Variants in HHLA1 observed in about 807,000 individuals in gnomAD.
The protein encoded by HHLA1 is HERV-H LTR-associating protein 1.
In HHLA1, 72 loss-of-function variants were observed where a neutral mutation model predicts 69.9. The ratio of observed to expected loss-of-function variants is 1.03; its 90% CI spans 0.85 to 1.25. HHLA1 has a LOEUF of 1.25. HHLA1 is among the 50% of genes most tolerant of loss of function. The pLI is 0.00. For synonymous variants in HHLA1, 252 were observed against 233.2 expected, an observed-to-expected ratio of 1.08 and a Z score of -0.73; for missense variants, 685 against 642.2, an observed-to-expected ratio of 1.07 and a Z score of -0.72.
intron 5 of HHLA1, among the ~76,000 whole-genome samples, chr8:132,096,772 G>T (rs893560647): frequency 3.3e-5 from 5 of 152,012 alleles, no homozygotes; most frequent in Admixed American, 3.3e-4. Flanking sequence ...GGGAAAGGTG[G>T]GTATGCCCAG....
chr8:132,104,074 G>A (rs1418443107), intron 3 of HHLA1, 34 bp downstream of exon 3: 1 of 1,495,220 alleles, frequency 6.7e-7, no homozygotes, highest in Admixed American at 2.0e-5. Flanking sequence ...CCCAAGAACA[G>A]TGAGCTGAAA....
At chr8:132,083,017 G>C (rs1332089206) in intron 10 of HHLA1, among the ~76,000 whole-genome samples, 3 of 151,338 alleles carry the variant, frequency 2.0e-5, no homozygotes, top group East Asian at 3.9e-4. Flanking sequence ...AGGTTTTAAT[G>C]AGATGGTAAG....
intron 14 of HHLA1, among the ~76,000 whole-genome samples, chr8:132,072,785 G>A (rs1276605396): frequency 6.6e-6 from 1 of 152,120 alleles, no homozygotes; most frequent in African/African-American, 2.4e-5. Flanking sequence ...AACTAGCAAG[G>A]GGTAGATGTT....
chr8:132,095,584 A>T lies in HHLA1; in HGVS notation c.383T>A (p.Val128Glu), dbSNP rs759144068. 129 of 1,548,534 alleles carry T rather than the reference A, an allele frequency of 8.3e-5. 1 individual carries two copies. Among genetic ancestry groups the T allele is most frequent in the Middle Eastern group, 3.3e-4 (2 of 6,014 alleles). The part of the protein sequence containing the change: ...AVYNISNLKT[V>E]DPAKFPTRYC... The stretch of plus-strand genomic sequence containing the variant: ...CCTTGTGGGGAATTTGGCGGGGTCT[A>T]CTGTCTTCAGGTTAGAAACTGTGAA... The change falls in exon 7 of 17, where the codon GTA (valine) becomes GAA (glutamate). Residue 128 changes from valine to glutamate, a missense_variant. Val to Glu is a moderately radical substitution (Grantham distance 121). Transcript: ENST00000414222.
Position 132,071,513 on chromosome 8 carries a change from A to C in HHLA1, c.1316-20T>G. On this transcript the variant is annotated intron_variant, in intron 14 of 16. Coordinates refer to ENST00000414222, the MANE Select transcript of HHLA1 (RefSeq NM_001145095.3). The stretch of plus-strand genomic sequence containing the variant: ...GACACCCTAGAAGATGCAATCCCAG[A>C]CCAATTAAATCAGTAAGAGTTTAGT... 6.5e-7 allele frequency: 1 copy of C among 1,550,246 alleles called. No individual in the cohort carries two copies. The highest frequency in any genetic ancestry group is 8.7e-7 in the Non-Finnish European group (1 of 1,146,168).
intron 7 of HHLA1, among the ~76,000 whole-genome samples, chr8:132,095,137 G>T (rs1824002205): frequency 6.6e-6 from 1 of 152,230 alleles, no homozygotes; most frequent in Non-Finnish European, 1.5e-5. Context: ...GTATTTTTGT[G>T]TAACTTTCTT....
intron 7 of HHLA1, among the ~76,000 whole-genome samples, chr8:132,091,119 A>G (rs1475684687): frequency 6.6e-6 from 1 of 152,136 alleles, no homozygotes; most frequent in Non-Finnish European, 1.5e-5. Flanking sequence ...GCTTCTAAAA[A>G]TTCTCCTTTG....
chr8:132,066,416 TGA>T (rs1244316593), intron 15 of HHLA1, among the ~76,000 whole-genome samples: 3 of 152,084 alleles, frequency 2.0e-5, no homozygotes, highest in Non-Finnish European at 4.4e-5. Context: ...TAGTGGGAGA[TGA>T]GAGAGAGAGT....
rs76981386 is a variant in HHLA1, at chr8:132,089,253, G to C, written c.532+263C>G. On this transcript the variant is annotated intron_variant, in intron 8 of 16. Coordinates refer to ENST00000414222, the MANE Select transcript of HHLA1 (RefSeq NM_001145095.3). ...ATATCTACTCACCAGATGTTTTCTT[G>C]AGTCTGCCTACGTTCCTTAAACTTT... 1.2e-3 allele frequency among the ~76,000 whole-genome samples: 185 copies of C among 152,256 alleles called. 2 individuals carry two copies. In the East Asian group the frequency reaches 0.033, roughly 27 times the overall value.
intron 3 of HHLA1, among the ~76,000 whole-genome samples, chr8:132,102,190 C>T (rs946214551): frequency 5.9e-5 from 9 of 152,182 alleles, no homozygotes; most frequent in Non-Finnish European, 4.4e-5. Context: ...TATTTAAGAC[C>T]GAATAATATT....
At chr8:132,085,013 C>T (rs1177642958) in intron 10 of HHLA1, among the ~76,000 whole-genome samples, 1 of 151,026 alleles carries the variant, frequency 6.6e-6, no homozygotes. Context: ...GGTATTTGCC[C>T]CTGCCCCAGG....
rs76834849 is a variant in HHLA1, at chr8:132,102,807, T to A, written c.139+1301A>T. ...ACTGAGCACCATTTTTTTTTTTTTT[T>A]TTTTTTTTTTTAGCACTATTCCTTT... On this transcript the variant is annotated intron_variant, in intron 3 of 16. Coordinates refer to ENST00000414222, the MANE Select transcript of HHLA1 (RefSeq NM_001145095.3). Among the ~76,000 whole-genome samples the A allele has an allele frequency of 8.1e-3, 694 of 86,014 alleles. 15 individuals carry two copies. Among genetic ancestry groups the A allele is most frequent in the Non-Finnish European group, 0.011 (417 of 39,178 alleles). The allele number at this position is 86,014 out of a possible 152,430, so 56.4% of individuals were successfully genotyped here.
Position 132,065,891 on chromosome 8 carries a change from G to T in HHLA1, c.1547C>A (p.Ser516Ter). 7.7e-7 allele frequency: 1 copy of T among 1,295,586 alleles called. No homozygotes were observed. The highest frequency in any genetic ancestry group is 1.0e-6 in the Non-Finnish European group (1 of 980,004). 80.3% of individuals were successfully genotyped at this position (1,295,586 alleles called of 1,614,324 possible). Residue 516 changes from serine to a stop codon, truncating the protein, a stop_gained, in exon 16 of 17, where the codon TCG becomes TAG. Transcript: ENST00000414222. LOFTEE classifies it high-confidence loss of function. ...ICQRVKRVSH[S>*]HTLKQKCLEN... ...TAGTCAAGCTGTGTACTTACTGTGC[G>T]AGTGGGACACCCTTTTCACCCTCTG...
Position 132,085,133 on chromosome 8 carries a change from C to T in HHLA1, c.676+2520G>A, listed in dbSNP as rs535020685. On this transcript the variant is annotated intron_variant, in intron 10 of 16. Transcript: ENST00000414222. ...TGAAGGACCAAGGCAGGCATCCCTG[C>T]GTGGTCTGACACCCTTGAAACGTGA... 1.2e-3 allele frequency among the ~76,000 whole-genome samples: 187 copies of T among 152,302 alleles called. 2 individuals carry two copies. In the East Asian group the frequency reaches 0.033, roughly 27 times the overall value.
At chr8:132,076,838 G>A (rs1435815712) in intron 12 of HHLA1, among the ~76,000 whole-genome samples, 4 of 152,140 alleles carry the variant, frequency 2.6e-5, no homozygotes, top group South Asian at 4.1e-4. Flanking sequence ...TGTACAGGAA[G>A]TGTCCAATGT....
chr8:132,078,786 AAT>A lies in HHLA1; in HGVS notation c.926-817_926-816del, dbSNP rs1156467292. 5.3e-5 allele frequency among the ~76,000 whole-genome samples: 8 copies of A among 152,296 alleles called. No individual in the cohort carries two copies. In the East Asian group the frequency reaches 1.4e-3, roughly 26 times the overall value. ...ACAGCTAGCCTCCTGTCTGGAAGGA[AAT>A]ATGTTTTGATGAGTAAATAAATGAA... On this transcript the variant is annotated intron_variant, in intron 11 of 16. Transcript: ENST00000414222.
rs1050683011 is a variant in HHLA1 at position 132,108,631 on chromosome 8, C to G, written c.-22+2471G>C. ...ATATGCCAGCCAAAATATACTATCC[C>G]CTAATAAGCGACTTTGGGCACATGG... On this transcript the variant is annotated intron_variant, in intron 1 of 16. Coordinates refer to ENST00000414222, the MANE Select transcript of HHLA1 (RefSeq NM_001145095.3). 4.6e-5 allele frequency among the ~76,000 whole-genome samples: 7 copies of G among 151,968 alleles called. 1 individual carries two copies. The highest frequency in any genetic ancestry group is 3.9e-4 in the Admixed American group (6 of 15,272).
intron 1 of HHLA1, among the ~76,000 whole-genome samples, 187 bp downstream of exon 1, chr8:132,110,915 C>A (rs76700448): frequency 2.0e-5 from 3 of 152,084 alleles, no homozygotes; most frequent in Middle Eastern, 3.2e-3. Context: ...TGTGATCAAG[C>A]GATCAAGGGA....
intron 15 of HHLA1, among the ~76,000 whole-genome samples, chr8:132,067,562 C>G (rs1232196141): frequency 6.6e-6 from 1 of 152,124 alleles, no homozygotes; most frequent in Non-Finnish European, 1.5e-5. Flanking sequence ...CTGGTTAGCA[C>G]AGCTACAACA....
Sources: allele counts gnomAD v4.1 joint callset (sites outside exome capture counted in the v4.1 genomes callset), GRCh38; gene constraint gnomAD v4.1.1; transcripts MANE v1.5; gene names NCBI Gene and HGNC (gene_info 2026-07-23, HGNC 2026-07-21).